The following TENM4 variants were observed in gnomAD, a reference collection of about 807,000 sequenced individuals.
TENM4 encodes teneurin transmembrane protein 4.
TENM4 carries 82 observed loss-of-function variants against 243.3 expected under a neutral mutation model. The ratio of observed to expected loss-of-function variants is 0.34; its 90% CI spans 0.28 to 0.40. The LOEUF (loss-of-function observed/expected upper bound fraction) is 0.40. TENM4 is among the 10% of genes least tolerant of loss of function. The pLI is 1.00. For synonymous variants in TENM4, 1,412 were observed against 1,456.3 expected, an observed-to-expected ratio of 0.97 and a Z score of 0.69; for missense variants, 3,138 against 3,673.3, an observed-to-expected ratio of 0.85 and a Z score of 3.77.
At chr11:78,954,682 G>C (rs1040067867) in intron 6 of TENM4, among the ~76,000 whole-genome samples, 6 of 152,166 alleles carry the variant, frequency 3.9e-5, no homozygotes, top group Admixed American at 1.3e-4. Context: ...TTGCCATATG[G>C]CAAGTGGAAT....
At chr11:79,285,487 C>G (rs1366603330) in intron 2 of TENM4, among the ~76,000 whole-genome samples, 1 of 152,134 alleles carries the variant, frequency 6.6e-6, no homozygotes, top group African/African-American at 2.4e-5. Flanking sequence ...GCCATATGAC[C>G]TAGCAATATC....
intron 6 of TENM4, among the ~76,000 whole-genome samples, chr11:78,920,022 T>G (rs1394707005): frequency 6.6e-6 from 1 of 152,144 alleles, no homozygotes; most frequent in Admixed American, 6.5e-5. Context: ...CCCACTAATC[T>G]GTGAGCCCCT....
chr11:79,372,034 C>G (rs1341575810), intron 1 of TENM4, among the ~76,000 whole-genome samples: 1 of 152,100 alleles, frequency 6.6e-6, no homozygotes, highest in Non-Finnish European at 1.5e-5. Context: ...CCTTTGAGAG[C>G]CCAAACAGCA....
At chr11:79,414,655 AT>A (rs967215664) in intron 1 of TENM4, among the ~76,000 whole-genome samples, 3 of 152,142 alleles carry the variant, frequency 2.0e-5, no homozygotes, top group Admixed American at 1.3e-4. Context: ...CCTATATGTT[AT>A]GGCAGAAGCA....
In TENM4 at chr11:78,856,157, G is replaced by A. The variant is rs1183526709; in HGVS notation, c.1277C>T (p.Pro426Leu). The A allele has an allele frequency of 1.3e-6, 2 of 1,551,524 alleles. No individual in the cohort carries two copies. Among genetic ancestry groups the A allele is most frequent in the Admixed American group, 3.9e-5 (2 of 50,996 alleles). ...TTEGKPSSFFPEDSFIDSGEI... is the reference protein window; with the variant it reads ...TTEGKPSSFFLEDSFIDSGEI... ...TCCAGAATCTATGAAACTGTCCTCTGGAAAGAAACTACTGGGCTTTCCTAC... is the reference window on the plus strand; with the variant it reads ...TCCAGAATCTATGAAACTGTCCTCTAGAAAGAAACTACTGGGCTTTCCTAC... Residue 426 changes from proline (P) to leucine (L), a missense_variant, in exon 11 of 34, where the codon CCA (proline) becomes CTA (leucine). By Grantham distance (98) the Pro-to-Leu change is moderately conservative. Around this residue, in one of 2 missense-constraint regions of TENM4, gnomAD observed 671 missense variants for 614.1 expected, o/e 1.09. Transcript: ENST00000278550.
Position 79,440,690 on chromosome 11 carries a change from C to T in TENM4, c.-502G>A, listed in dbSNP as rs1859385945. ...TCAGCTCCAGCGAGACCAACAATAG[C>T]TCCCGCGGGGAGCGGAGCCCCAGCG... On this transcript the variant is annotated 5_prime_UTR_variant, in exon 1 of 34. Coordinates refer to ENST00000278550, the MANE Select transcript of TENM4 (RefSeq NM_001098816.3). The surrounding 1 kb of genome is among the most constrained non-coding windows in gnomAD (Gnocchi z 4.7). The T allele has an allele frequency of 6.6e-6, 1 of 152,208 alleles. No individual in the cohort carries two copies. The highest frequency in any genetic ancestry group is 2.4e-5 in the African/African-American group (1 of 41,550). 9.4% of individuals were successfully genotyped at this position (152,208 alleles called of 1,614,324 possible). A position where few individuals can be genotyped will look rare whatever the true frequency, so the allele number is the denominator to read the frequency against.
intron 1 of TENM4, among the ~76,000 whole-genome samples, chr11:79,346,561 T>C (rs1020487345): frequency 6.6e-6 from 1 of 152,134 alleles, no homozygotes; most frequent in African/African-American, 2.4e-5. Context: ...AATTAGTAAT[T>C]ACTATTTATT....
Position 79,035,300 on chromosome 11 carries a change from C to T in TENM4, c.493+29438G>A, listed in dbSNP as rs561246378. ...CACTCAGCAGAGGCTCAAGAAATAA[C>T]ACCCCCTGTATCCCAAACATTACCT... is the stretch of plus-strand genomic sequence containing the variant. On this transcript the variant is annotated intron_variant, in intron 6 of 33. Transcript: ENST00000278550. 3.3e-4 allele frequency among the ~76,000 whole-genome samples: 51 copies of T among 152,290 alleles called. 1 individual carries two copies. Among genetic ancestry groups the T allele is most frequent in the Admixed American group, 9.8e-4 (15 of 15,304 alleles).
chr11:79,076,583 A>G (rs959820914), intron 4 of TENM4, among the ~76,000 whole-genome samples: 5 of 152,194 alleles, frequency 3.3e-5, no homozygotes, highest in Non-Finnish European at 5.9e-5. Flanking sequence ...GTGGGAATTC[A>G]AGATGAGATA....
At chr11:79,230,627 C>A (rs747937353) in intron 2 of TENM4, among the ~76,000 whole-genome samples, 5 of 152,130 alleles carry the variant, frequency 3.3e-5, no homozygotes, top group Non-Finnish European at 7.4e-5. Context: ...CTGTGAGGAC[C>A]TACTGAAAAA....
intron 12 of TENM4, among the ~76,000 whole-genome samples, chr11:78,846,802 T>C (rs887294028): frequency 7.9e-5 from 12 of 152,194 alleles, no homozygotes; most frequent in Admixed American, 3.3e-4. Context: ...CAGTTGGTCT[T>C]TGTTGAACCA....
chr11:78,714,364 C>G (rs532887086), intron 25 of TENM4, among the ~76,000 whole-genome samples: 2 of 147,618 alleles, frequency 1.4e-5, no homozygotes, highest in East Asian at 3.9e-4. Flanking sequence ...TGGACAGTGT[C>G]CTTGGGGACT....
At position 79,339,913 on chromosome 11, in the gene TENM4, A is replaced by G. The variant is rs1412825539; in HGVS notation, c.-320-42370T>C. 2.0e-5 allele frequency among the ~76,000 whole-genome samples: 3 copies of G among 152,106 alleles called. No individual in the cohort carries two copies. In the East Asian group the frequency reaches 5.8e-4, roughly 29 times the overall value. On this transcript the variant is annotated intron_variant, in intron 1 of 33. Coordinates refer to ENST00000278550, the MANE Select transcript of TENM4 (RefSeq NM_001098816.3). ...CGTGGTTGGGTGCAGGATGTGGGGT[A>G]GGCAGACCAGGCATGGGTGGGGGCC...
At chr11:79,348,325 G>A (rs113051744) in intron 1 of TENM4, among the ~76,000 whole-genome samples, 3,086 of 152,140 alleles carry the variant, frequency 0.02, 97 homozygotes, top group African/African-American at 0.068. Context: ...AGCAAACACC[G>A]GTTGCCTCCC....
chr11:78,720,960 T>G (rs1313622798), intron 24 of TENM4, among the ~76,000 whole-genome samples: 1 of 152,160 alleles, frequency 6.6e-6, no homozygotes, highest in Non-Finnish European at 1.5e-5. Context: ...TTTTTTCAAA[T>G]TTCACTTATA....
chr11:78,985,046 T>G (rs766227453), intron 6 of TENM4, among the ~76,000 whole-genome samples: 1 of 152,162 alleles, frequency 6.6e-6, no homozygotes, highest in East Asian at 1.9e-4. Context: ...ACTTAACTTC[T>G]CTGTACTTCA....
chr11:78,792,705 A>G (rs1857081557), intron 15 of TENM4, among the ~76,000 whole-genome samples: 1 of 152,174 alleles, frequency 6.6e-6, no homozygotes, highest in African/African-American at 2.4e-5. Context: ...GAAGAGGTGT[A>G]TGTCGGTTGA....
chr11:78,739,377 G>A (rs1227903065), intron 19 of TENM4, among the ~76,000 whole-genome samples: 2 of 152,098 alleles, frequency 1.3e-5, no homozygotes, highest in Non-Finnish European at 2.9e-5. Flanking sequence ...CTTCCTTGAA[G>A]CCTTTCTTGA....
At chr11:78,745,751 C>T (rs905924524) in intron 19 of TENM4, among the ~76,000 whole-genome samples, 11 of 152,182 alleles carry the variant, frequency 7.2e-5, no homozygotes, top group African/African-American at 1.7e-4. Flanking sequence ...GGCCCACCTT[C>T]GGTATCTACC....
Sources: allele counts gnomAD v4.1 joint callset (sites outside exome capture counted in the v4.1 genomes callset), GRCh38; gene constraint gnomAD v4.1.1; regional missense constraint gnomAD v4.1.1; non-coding constraint Gnocchi (gnomAD v3.1); transcripts MANE v1.5; gene names NCBI Gene and HGNC (gene_info 2026-07-23, HGNC 2026-07-21).